Variants in SPOCK3 observed in about 807,000 individuals in gnomAD.
SPOCK3 encodes SPARC (osteonectin), cwcv and kazal like domains proteoglycan 3, also known as testican-3.
In SPOCK3, 30 loss-of-function variants were observed where a neutral mutation model predicts 56.6. The observed-to-expected ratio is 0.53, with a 90% CI of 0.40 to 0.72. SPOCK3 has a LOEUF of 0.72. Ranked by LOEUF, SPOCK3 falls within the 30% of genes least tolerant of loss-of-function variation. The pLI, the probability that SPOCK3 is intolerant of heterozygous loss-of-function variation, is 0.00. For synonymous variants in SPOCK3, 196 were observed against 183.3 expected, an observed-to-expected ratio of 1.07 and a Z score of -0.56; for missense variants, 527 against 530.0, an observed-to-expected ratio of 0.99 and a Z score of 0.06.
At chr4:167,102,019 T>C (rs1000444729) in intron 2 of SPOCK3, among the ~76,000 whole-genome samples, 5 of 152,098 alleles carry the variant, frequency 3.3e-5, no homozygotes, top group African/African-American at 1.2e-4. Context: ...TTTTTTCTTT[T>C]CATTTTTTGT....
chr4:166,887,283 C>T (rs886438473), intron 6 of SPOCK3, among the ~76,000 whole-genome samples: 2 of 152,094 alleles, frequency 1.3e-5, no homozygotes, highest in Non-Finnish European at 2.9e-5. Flanking sequence ...CGGGAAATCT[C>T]ATTGAAGTAA....
intron 6 of SPOCK3, among the ~76,000 whole-genome samples, chr4:166,854,909 T>C (rs1316160095): frequency 6.6e-6 from 1 of 152,134 alleles, no homozygotes. Flanking sequence ...ACGTTGGGAC[T>C]CAGAAACCAA....
At position 167,120,902 on chromosome 4, in the gene SPOCK3, G is replaced by GT. The variant is rs550195623; in HGVS notation, c.190-58366dup. 1.5e-3 allele frequency among the ~76,000 whole-genome samples: 234 copies of GT among 151,822 alleles called. 2 individuals are homozygous for GT. Among genetic ancestry groups the GT allele is most frequent in the African/African-American group, 4.9e-3 (205 of 41,456 alleles). On this transcript the variant is annotated intron_variant, in intron 2 of 10. Transcript: ENST00000357545. ...CCATTTAAATCAATTCCAACATTGG[G>GT]TAACATCATAGTTTGAATGAAGATT...
At chr4:166,788,632 T>C (rs1579228613) in intron 7 of SPOCK3, among the ~76,000 whole-genome samples, 2 of 151,672 alleles carry the variant, frequency 1.3e-5, no homozygotes. Flanking sequence ...CTGACAAACC[T>C]TACAATTATC....
intron 6 of SPOCK3, among the ~76,000 whole-genome samples, chr4:166,844,290 T>C (rs957648418): frequency 2.0e-5 from 3 of 152,212 alleles, no homozygotes; most frequent in Middle Eastern, 3.2e-3. Context: ...ATGATATGCC[T>C]ACCTTAGAGT....
intron 2 of SPOCK3, among the ~76,000 whole-genome samples, chr4:167,194,544 G>A (rs767817659): frequency 1.3e-5 from 2 of 152,182 alleles, no homozygotes; most frequent in African/African-American, 4.8e-5. Context: ...TGCATCTGAA[G>A]GAGTTAATGT....
At chr4:166,870,503 G>A (rs927082780) in intron 6 of SPOCK3, among the ~76,000 whole-genome samples, 2 of 151,920 alleles carry the variant, frequency 1.3e-5, no homozygotes, top group Non-Finnish European at 2.9e-5. Context: ...ACGATATTAA[G>A]TATATTCTTA....
At chr4:166,904,575 A>G (rs1454820941) in intron 5 of SPOCK3, among the ~76,000 whole-genome samples, 1 of 152,058 alleles carries the variant, frequency 6.6e-6, no homozygotes, top group Non-Finnish European at 1.5e-5. Flanking sequence ...TTACATATGA[A>G]TAACATTATA....
chr4:166,762,429 T>C (rs1476284089), intron 7 of SPOCK3, among the ~76,000 whole-genome samples: 2 of 152,082 alleles, frequency 1.3e-5, no homozygotes, highest in African/African-American at 2.4e-5. Flanking sequence ...GAAACGGCCA[T>C]ATCATTCCAA....
intron 3 of SPOCK3, among the ~76,000 whole-genome samples, chr4:167,036,771 ACT>A (rs1752793077): frequency 6.6e-6 from 1 of 151,756 alleles, no homozygotes; most frequent in African/African-American, 2.4e-5. Context: ...AATAAATACG[ACT>A]CTCTAGGTTT....
rs561066087 is a variant in SPOCK3, at chr4:167,083,060, C to T, written c.190-20523G>A. Among the ~76,000 whole-genome samples the T allele has an allele frequency of 2.6e-5, 4 of 152,126 alleles. No individual in the cohort carries two copies. In the South Asian group the frequency reaches 6.2e-4, roughly 24 times the overall value. On this transcript the variant is annotated intron_variant, in intron 2 of 10. Coordinates refer to ENST00000357545, the MANE Select transcript of SPOCK3 (RefSeq NM_001040159.2). Reference sequence around the variant, plus strand: ...AAAGAACATTCATTTCAGACAACGTCGTTGTAAAAACTTCAAAATACCAAA... The same window carrying T: ...AAAGAACATTCATTTCAGACAACGTTGTTGTAAAAACTTCAAAATACCAAA...
chr4:166,767,466 C>G (rs1168008026), intron 7 of SPOCK3, among the ~76,000 whole-genome samples: 1 of 152,096 alleles, frequency 6.6e-6, no homozygotes, highest in African/African-American at 2.4e-5. Context: ...CATTCAGGAG[C>G]AGGTTGTTCA....
At chr4:166,864,824 A>G (rs1731624599) in intron 6 of SPOCK3, among the ~76,000 whole-genome samples, 1 of 152,182 alleles carries the variant, frequency 6.6e-6, no homozygotes, top group Non-Finnish European at 1.5e-5. Context: ...TCAGGACCAG[A>G]TGGATTCACA....
intron 2 of SPOCK3, among the ~76,000 whole-genome samples, chr4:167,145,817 A>G (rs969522528): frequency 6.6e-6 from 1 of 152,164 alleles, no homozygotes; most frequent in African/African-American, 2.4e-5. Context: ...GAAGCACTAC[A>G]CATGGAAAGG....
At chr4:167,122,869 TA>T (rs1424234392) in intron 2 of SPOCK3, among the ~76,000 whole-genome samples, 1 of 152,066 alleles carries the variant, frequency 6.6e-6, no homozygotes, top group Non-Finnish European at 1.5e-5. Context: ...TTGCAATCTT[TA>T]CCAAACATCT....
intron 3 of SPOCK3, among the ~76,000 whole-genome samples, chr4:167,040,048 G>C (rs1291080076): frequency 6.6e-6 from 1 of 152,158 alleles, no homozygotes; most frequent in Non-Finnish European, 1.5e-5. Flanking sequence ...CTCAAGTCTA[G>C]TATTATCTGA....
intron 3 of SPOCK3, among the ~76,000 whole-genome samples, chr4:167,058,185 A>C (rs1580155645): frequency 1.3e-5 from 2 of 152,302 alleles, no homozygotes; most frequent in South Asian, 2.1e-4. Context: ...AAGGGTATTC[A>C]ATTAGGAAAA....
intron 4 of SPOCK3, among the ~76,000 whole-genome samples, chr4:166,990,114 C>T (rs1234438115): frequency 1.3e-5 from 2 of 152,168 alleles, no homozygotes; most frequent in Non-Finnish European, 2.9e-5. Flanking sequence ...GAAACTAGTA[C>T]CTGCCCTGGC....
chr4:166,882,626 A>T, intron 6 of SPOCK3, among the ~76,000 whole-genome samples: 1 of 152,224 alleles, frequency 6.6e-6, no homozygotes, highest in East Asian at 1.9e-4. Context: ...TCACTTTTAT[A>T]TCTGATAACA....
Sources: gnomAD v4.1 joint callset for allele counts (sites outside exome capture counted in the v4.1 genomes callset) on GRCh38, gnomAD v4.1.1 for gene constraint, MANE v1.5 for transcripts, NCBI Gene and HGNC (gene_info 2026-07-23, HGNC 2026-07-21) for gene names.